The following DIP2B variants were observed in gnomAD, a reference collection of about 807,000 sequenced individuals.
The protein encoded by DIP2B is disco-interacting protein 2 homolog B.
In DIP2B, 76 loss-of-function variants were observed where a neutral mutation model predicts 198.0. That is an observed-to-expected ratio of 0.38 (90% CI 0.32 to 0.46). The LOEUF is 0.46. DIP2B is among the 20% of genes least tolerant of loss of function. The pLI is 0.99. For missense variants in DIP2B, 1,559 were observed against 1,978.4 expected, an observed-to-expected ratio of 0.79 and a Z score of 4.02; for synonymous variants, 701 against 739.1, an observed-to-expected ratio of 0.95 and a Z score of 0.84.
chr12:50,525,275 G>A (rs999554551), intron 1 of DIP2B, among the ~76,000 whole-genome samples: 1 of 151,240 alleles, frequency 6.6e-6, no homozygotes, highest in Non-Finnish European at 1.5e-5. Context: ...GGAGAATGGC[G>A]TGAACCCGGG....
chr12:50,529,720 G>A (rs1489881402), intron 1 of DIP2B, among the ~76,000 whole-genome samples: 2 of 152,080 alleles, frequency 1.3e-5, no homozygotes, highest in African/African-American at 4.8e-5. Flanking sequence ...GTAGCCGGGT[G>A]TGGTGGCGTG....
At chr12:50,704,799 A>G (rs979905833) in intron 20 of DIP2B, among the ~76,000 whole-genome samples, 2 of 152,140 alleles carry the variant, frequency 1.3e-5, no homozygotes, top group South Asian at 2.1e-4. Context: ...TTCTGTGTCT[A>G]CTAAAAATAC....
chr12:50,695,594 TCA>T (rs1484492942), intron 15 of DIP2B, among the ~76,000 whole-genome samples: 2 of 152,190 alleles, frequency 1.3e-5, no homozygotes, highest in African/African-American at 2.4e-5. Context: ...GTCTTGGTAT[TCA>T]CAGTTTCCTT....
intron 1 of DIP2B, among the ~76,000 whole-genome samples, chr12:50,541,403 CTTTTTT>C (rs57979674): frequency 3.1e-5 from 4 of 128,600 alleles, no homozygotes; most frequent in African/African-American, 5.9e-5. Flanking sequence ...AAAGAACATT[CTTTTTT>C]TTTTTTTTTT....
At chr12:50,599,542 G>A (rs1958917945) in intron 1 of DIP2B, among the ~76,000 whole-genome samples, 1 of 152,090 alleles carries the variant, frequency 6.6e-6, no homozygotes, top group African/African-American at 2.4e-5. Flanking sequence ...ATTTGAACCT[G>A]GGAGGCGGAA....
chr12:50,715,062 G>A (rs982861511), intron 23 of DIP2B, among the ~76,000 whole-genome samples: 1 of 152,210 alleles, frequency 6.6e-6, no homozygotes, highest in African/African-American at 2.4e-5. Context: ...TTGGCTGCAG[G>A]TTGCAGAAAA....
chr12:50,723,819 C>G (rs1392412282), intron 27 of DIP2B, among the ~76,000 whole-genome samples: 1 of 152,128 alleles, frequency 6.6e-6, no homozygotes, highest in Non-Finnish European at 1.5e-5. Context: ...GCAAAATTAT[C>G]TAGGCGATTT....
intron 9 of DIP2B, among the ~76,000 whole-genome samples, chr12:50,681,767 A>G (rs556437694): frequency 6.6e-6 from 1 of 152,328 alleles, no homozygotes; most frequent in East Asian, 1.9e-4. Context: ...GCATTGTGAC[A>G]AAGGGCACAT....
intron 1 of DIP2B, among the ~76,000 whole-genome samples, chr12:50,603,019 C>G (rs1958951514): frequency 6.6e-6 from 1 of 151,294 alleles, no homozygotes; most frequent in South Asian, 2.1e-4. Context: ...AAAAAATTAG[C>G]CGGGCGTGGT....
chr12:50,639,296 C>T (rs1938213177), intron 2 of DIP2B, among the ~76,000 whole-genome samples: 2 of 152,008 alleles, frequency 1.3e-5, no homozygotes, highest in Admixed American at 1.3e-4. Context: ...CAACTGAGGT[C>T]ATTCAGTGGT....
At chr12:50,707,368 C>G (rs1168792171) in intron 21 of DIP2B, among the ~76,000 whole-genome samples, 6 of 152,112 alleles carry the variant, frequency 3.9e-5, no homozygotes, top group African/African-American at 1.4e-4. Flanking sequence ...CCATGGGGCA[C>G]TAGATCTGCC....
chr12:50,568,475 T>A (rs1473121666), intron 1 of DIP2B, among the ~76,000 whole-genome samples: 1 of 152,226 alleles, frequency 6.6e-6, no homozygotes, highest in Non-Finnish European at 1.5e-5. Flanking sequence ...CTTTCAGCCC[T>A]CTGAGCAGTA....
chr12:50,570,681 C>A (rs1294590027), intron 1 of DIP2B, among the ~76,000 whole-genome samples: 1 of 152,222 alleles, frequency 6.6e-6, no homozygotes, highest in African/African-American at 2.4e-5. Flanking sequence ...CTGCGATGGG[C>A]TGGGCAACAA....
At chr12:50,727,576 AAT>A (rs1287666348) in intron 28 of DIP2B, 125 bp from the exon 29 acceptor site, 5 of 791,676 alleles carry the variant, frequency 6.3e-6, no homozygotes, top group Non-Finnish European at 1.1e-5. Flanking sequence ...TACTTGGTTA[AAT>A]ATGAGAGGCC....
intron 16 of DIP2B, among the ~76,000 whole-genome samples, chr12:50,696,717 G>A (rs1939318861): frequency 6.6e-6 from 1 of 152,192 alleles, no homozygotes; most frequent in Non-Finnish European, 1.5e-5. Context: ...AAATTGCACT[G>A]GCTATGACAG....
intron 2 of DIP2B, among the ~76,000 whole-genome samples, chr12:50,631,163 C>G (rs956810420): frequency 6.7e-6 from 1 of 149,836 alleles, no homozygotes; most frequent in African/African-American, 2.5e-5. Flanking sequence ...CTCACTCTGT[C>G]GCCCAGGCTG....
chr12:50,674,381 C>A, intron 5 of DIP2B, 93 bp from the exon 6 acceptor site: 1 of 1,407,278 alleles, frequency 7.1e-7, no homozygotes, highest in African/African-American at 1.4e-5. Context: ...CATTTATGTA[C>A]TTTTCTTCCT....
intron 14 of DIP2B, among the ~76,000 whole-genome samples, chr12:50,694,260 C>T (rs1435711612): frequency 6.6e-6 from 1 of 152,082 alleles, no homozygotes; most frequent in Non-Finnish European, 1.5e-5. Context: ...CTTTGAGAGG[C>T]CAAGGCAGGC....
At chr12:50,519,611 A>G (rs1306072183) in intron 1 of DIP2B, among the ~76,000 whole-genome samples, 1 of 152,210 alleles carries the variant, frequency 6.6e-6, no homozygotes, top group Non-Finnish European at 1.5e-5. Context: ...CTAGCCTAGC[A>G]TCTTTGAAAG....
Sources: allele counts gnomAD v4.1 joint callset (sites outside exome capture counted in the v4.1 genomes callset), GRCh38; gene constraint gnomAD v4.1.1; transcripts MANE v1.5; gene names NCBI Gene and HGNC (gene_info 2026-07-23, HGNC 2026-07-21).